The following DIP2C variants were observed in gnomAD, a reference collection of about 807,000 sequenced individuals.
DIP2C encodes DIP2 acetate--CoA ligase C (putative).
Under a neutral mutation model 192.4 loss-of-function variants are expected in DIP2C, and 33 were observed. That is an observed-to-expected ratio of 0.17 (90% CI 0.13 to 0.23). DIP2C has a LOEUF of 0.23. Among genes scored for constraint, DIP2C ranks in the 10% least tolerant of loss-of-function variants. The probability of loss-of-function intolerance (pLI) is 1.00; values close to 1 mark genes in which losing one functional copy is unlikely to be tolerated. For synonymous variants in DIP2C, 979 were observed against 864.1 expected, an observed-to-expected ratio of 1.13 and a Z score of -2.33; for missense variants, 1,537 against 2,110.1, an observed-to-expected ratio of 0.73 and a Z score of 5.32.
intron 13 of DIP2C, among the ~76,000 whole-genome samples, chr10:388,321 G>T (rs1334288802): frequency 6.6e-6 from 1 of 152,066 alleles, no homozygotes; most frequent in Non-Finnish European, 1.5e-5. Context: ...TATGGGGGAG[G>T]GCTCTAAAAA....
At chr10:335,831 T>C (rs1957738665) in intron 29 of DIP2C, among the ~76,000 whole-genome samples, 2 of 152,242 alleles carry the variant, frequency 1.3e-5, no homozygotes, top group South Asian at 2.1e-4. Flanking sequence ...TCATCAAGCT[T>C]TCCATTTGTT....
intron 1 of DIP2C, among the ~76,000 whole-genome samples, chr10:550,102 C>T (rs1157328606): frequency 2.0e-5 from 3 of 150,732 alleles, no homozygotes; most frequent in Non-Finnish European, 4.4e-5. Context: ...CTCTGCCTCT[C>T]GGGTTCAAGT....
intron 1 of DIP2C, among the ~76,000 whole-genome samples, chr10:497,133 T>G (rs946153211): frequency 6.6e-6 from 1 of 151,624 alleles, no homozygotes; most frequent in Non-Finnish European, 1.5e-5. Context: ...TCGAAATCAA[T>G]CAATCAATCA....
chr10:578,325 T>C (rs1449144171), intron 1 of DIP2C, among the ~76,000 whole-genome samples: 2 of 152,186 alleles, frequency 1.3e-5, no homozygotes, highest in Non-Finnish European at 2.9e-5. Flanking sequence ...TAAAGAACAG[T>C]AGAAAATGAA....
intron 1 of DIP2C, chr10:629,860 A>G (rs1312123341): frequency 7.9e-5 from 12 of 152,274 alleles, no homozygotes; most frequent in Non-Finnish European, 1.8e-4. Flanking sequence ...TCTTTACAGT[A>G]TAGATCTGGA....
rs760711870 is a variant in DIP2C at position 307,763 on chromosome 10, G to A, written c.3986+2268C>T. On this transcript the variant is annotated intron_variant, in intron 32 of 36. Coordinates refer to ENST00000280886, the MANE Select transcript of DIP2C (RefSeq NM_014974.3). Reference sequence around the variant, plus strand: ...AGCGTGGTGTCCCACCCGAGGGCACGGGAGAAAGAGCGGCACACGGTCCAT... The same window carrying A: ...AGCGTGGTGTCCCACCCGAGGGCACAGGAGAAAGAGCGGCACACGGTCCAT... 1.4e-4 allele frequency among the ~76,000 whole-genome samples: 22 copies of A among 152,364 alleles called. 1 individual carries two copies. Among genetic ancestry groups the A allele is most frequent in the Admixed American group, 3.3e-4 (5 of 15,314 alleles).
intron 1 of DIP2C, among the ~76,000 whole-genome samples, chr10:687,210 T>G (rs1831369260): frequency 6.6e-6 from 1 of 152,256 alleles, no homozygotes; most frequent in African/African-American, 2.4e-5. Flanking sequence ...ATTTTGATCC[T>G]TCAATTCTTG....
chr10:324,645 T>C (rs1057232640), intron 31 of DIP2C: 3 of 216,566 alleles, frequency 1.4e-5, no homozygotes, highest in Admixed American at 1.1e-4. Flanking sequence ...ATGATTAGAA[T>C]ACTGAATTTT....
chr10:524,134 G>A (rs1214274736), intron 1 of DIP2C, among the ~76,000 whole-genome samples: 4 of 152,102 alleles, frequency 2.6e-5, no homozygotes, highest in Admixed American at 6.5e-5. Context: ...AGGCCCTAAC[G>A]TCCATGTCAA....
chr10:599,704 G>A (rs1276341649), intron 1 of DIP2C, among the ~76,000 whole-genome samples: 5 of 152,176 alleles, frequency 3.3e-5, no homozygotes, highest in South Asian at 2.1e-4. Context: ...CAGTGCATTC[G>A]GAGCAAGTAC....
intron 1 of DIP2C, among the ~76,000 whole-genome samples, chr10:525,544 T>C (rs547523184): frequency 6.6e-6 from 1 of 152,334 alleles, no homozygotes; most frequent in Non-Finnish European, 1.5e-5. Flanking sequence ...TTCGAGCTGA[T>C]TGGAACAAAG....
intron 13 of DIP2C, among the ~76,000 whole-genome samples, chr10:389,499 G>C (rs1963282293): frequency 6.6e-6 from 1 of 152,152 alleles, no homozygotes; most frequent in South Asian, 2.1e-4. Flanking sequence ...AGGGTGGGTG[G>C]ACACACAGGC....
At chr10:384,516 G>A in intron 15 of DIP2C, 30 bp downstream of exon 15, 1 of 1,607,004 alleles carries the variant, frequency 6.2e-7, no homozygotes, top group East Asian at 2.2e-5. Flanking sequence ...GGGATTACAG[G>A]TGTGAGCCAC....
rs1021274182 is a variant in DIP2C, at chr10:549,971, T to C, written c.86-63441A>G. ...ACACAAGGTCTACCTTCTGGAACCA[T>C]GCGGTGTCCTACAGAAGCAACAAGG... On this transcript the variant is annotated intron_variant, in intron 1 of 36. Transcript: ENST00000280886. Among the ~76,000 whole-genome samples, 9 of 150,742 alleles carry C rather than the reference T, an allele frequency of 6.0e-5. No individual in the cohort carries two copies. The East Asian group carries it at 1.8e-3, about 29-fold the overall frequency.
At chr10:381,841 GACA>G in intron 17 of DIP2C, among the ~76,000 whole-genome samples, 1 of 152,250 alleles carries the variant, frequency 6.6e-6, no homozygotes, top group East Asian at 1.9e-4. Context: ...TATTGCCGTG[GACA>G]TGCTGCCCCA....
intron 1 of DIP2C, among the ~76,000 whole-genome samples, chr10:537,439 CTCTTT>C (rs1164951491): frequency 2.0e-5 from 3 of 152,208 alleles, no homozygotes; most frequent in Non-Finnish European, 4.4e-5. Flanking sequence ...TTCAATTCGC[CTCTTT>C]TCTTCCCACA....
intron 1 of DIP2C, among the ~76,000 whole-genome samples, chr10:596,483 C>G (rs377008962): frequency 9.5e-6 from 1 of 105,500 alleles, no homozygotes; most frequent in Non-Finnish European, 1.7e-5. Flanking sequence ...GCGACCAGTG[C>G]GAAACTCCAT....
intron 4 of DIP2C, among the ~76,000 whole-genome samples, chr10:426,195 C>T (rs1043693643): frequency 6.6e-6 from 1 of 152,144 alleles, no homozygotes; most frequent in Non-Finnish European, 1.5e-5. Flanking sequence ...TATACATATA[C>T]TAGCAATAAA....
intron 1 of DIP2C, among the ~76,000 whole-genome samples, chr10:654,932 C>T (rs1856188311): frequency 6.6e-6 from 1 of 152,136 alleles, no homozygotes; most frequent in South Asian, 2.1e-4. Context: ...ACTATCTGTT[C>T]TATTCTATAC....
Sources: gnomAD v4.1 joint callset for allele counts (sites outside exome capture counted in the v4.1 genomes callset) on GRCh38, gnomAD v4.1.1 for gene constraint, MANE v1.5 for transcripts, NCBI Gene and HGNC (gene_info 2026-07-23, HGNC 2026-07-21) for gene names.